The following CAMKMT variants were observed in gnomAD, a reference collection of about 807,000 sequenced individuals.
The protein encoded by CAMKMT is calmodulin-lysine N-methyltransferase, also known as CaM KMT.
A neutral mutation model predicts 48.0 loss-of-function variants in CAMKMT; 53 were observed. That is an observed-to-expected ratio of 1.10 (90% confidence interval 0.89 to 1.39). The LOEUF (loss-of-function observed/expected upper bound fraction) is 1.39, where lower values mean the gene tolerates loss of function less well. Among genes scored for constraint, CAMKMT ranks in the 40% most tolerant of loss-of-function variants. The pLI is 0.00. For missense variants in CAMKMT, 428 were observed against 402.7 expected, an observed-to-expected ratio of 1.06 and a Z score of -0.54; for synonymous variants, 165 against 152.3, an observed-to-expected ratio of 1.08 and a Z score of -0.61.
At chr2:44,732,575 A>G (rs1384230917) in intron 7 of CAMKMT, among the ~76,000 whole-genome samples, 1 of 152,176 alleles carries the variant, frequency 6.6e-6, no homozygotes, top group African/African-American at 2.4e-5. Context: ...TTTTCTGTTC[A>G]GTTTGTTTAA....
intron 6 of CAMKMT, among the ~76,000 whole-genome samples, chr2:44,709,010 A>G (rs1677725159): frequency 6.6e-6 from 1 of 152,200 alleles, no homozygotes; most frequent in Non-Finnish European, 1.5e-5. Context: ...TTGTTCTAAA[A>G]TTATTATTGA....
intron 7 of CAMKMT, among the ~76,000 whole-genome samples, chr2:44,720,456 T>G (rs746409898): frequency 7.9e-5 from 12 of 152,182 alleles, no homozygotes; most frequent in Non-Finnish European, 1.5e-4. Flanking sequence ...CACAGAATTT[T>G]ATATTGCAGA....
chr2:44,743,627 T>C lies in CAMKMT; in HGVS notation c.629T>C (p.Leu210Ser). The change falls in exon 8 of 11, where the codon TTA becomes TCA. Residue 210 changes from leucine (L) to serine (S), a missense_variant. Coordinates refer to ENST00000378494, the MANE Select transcript of CAMKMT (RefSeq NM_024766.5). ...FKTQKISSCV[L>S]RWDNETDVSQ... is the part of the protein sequence containing the mutation. ...AAAATCTTTTTCTCCTCAAGCGTTT[T>C]ACGATGGGATAATGAGACAGATGTC... 6.2e-7 allele frequency: 1 copy of C among 1,611,924 alleles called. No homozygotes were observed. Among genetic ancestry groups the C allele is most frequent in the African/African-American group, 1.3e-5 (1 of 74,988 alleles).
rs190369568 is a variant in CAMKMT at position 44,425,861 on chromosome 2, G to C, written c.376+35556G>C. 4.0e-3 allele frequency among the ~76,000 whole-genome samples: 609 copies of C among 152,084 alleles called. 1 individual carries two copies. Among genetic ancestry groups the C allele is most frequent in the African/African-American group, 0.014 (589 of 41,466 alleles). On this transcript the variant is annotated intron_variant, in intron 3 of 10. Coordinates refer to ENST00000378494, the MANE Select transcript of CAMKMT (RefSeq NM_024766.5). ...TTCTCCTGCCTCAGCCTCCCAAGTA[G>C]CTGGGATTACATGCATGTGCCACCA... is the stretch of plus-strand genomic sequence containing the variant.
intron 7 of CAMKMT, among the ~76,000 whole-genome samples, chr2:44,737,509 A>G (rs1037176295): frequency 5.3e-5 from 8 of 152,158 alleles, no homozygotes; most frequent in African/African-American, 1.7e-4. Flanking sequence ...ATTATTCCCT[A>G]CTATTGAGAC....
rs544929681 is a variant in CAMKMT, at chr2:44,519,705, G to A, written c.376+129400G>A. Among the ~76,000 whole-genome samples, 7 of 152,272 alleles carry A rather than the reference G, an allele frequency of 4.6e-5. 1 individual carries two copies. In the South Asian group the frequency reaches 1.2e-3, roughly 27 times the overall value. ...CACAGGAGATGTACGTTACTAAAAA[G>A]TTTTACTATGTGCCGGGCACTGTGC... On this transcript the variant is annotated intron_variant, in intron 3 of 10. Transcript: ENST00000378494.
intron 10 of CAMKMT, among the ~76,000 whole-genome samples, chr2:44,768,361 A>ATATATATATTTT (rs35058824): frequency 8.6e-6 from 1 of 115,744 alleles, no homozygotes; most frequent in Non-Finnish European, 1.7e-5. Flanking sequence ...ATATATATAT[A>ATATATATATTTT]TTTTTTTTTT....
intron 3 of CAMKMT, among the ~76,000 whole-genome samples, chr2:44,460,003 C>A (rs748038327): frequency 3.9e-5 from 6 of 152,184 alleles, no homozygotes; most frequent in South Asian, 2.1e-4. Flanking sequence ...GCTCTGGAAG[C>A]TGAGTCAAAC....
intron 6 of CAMKMT, among the ~76,000 whole-genome samples, chr2:44,713,942 G>T (rs1000885467): frequency 6.6e-6 from 1 of 152,074 alleles, no homozygotes; most frequent in African/African-American, 2.4e-5. Flanking sequence ...CTCCCCATGG[G>T]CCCAATTTAG....
chr2:44,627,323 G>T (rs879726606), intron 3 of CAMKMT, among the ~76,000 whole-genome samples: 3 of 152,062 alleles, frequency 2.0e-5, no homozygotes, highest in Non-Finnish European at 4.4e-5. Flanking sequence ...GTTCATACTA[G>T]TTACAGTCTT....
At chr2:44,443,147 A>G (rs1666775209) in intron 3 of CAMKMT, among the ~76,000 whole-genome samples, 1 of 152,212 alleles carries the variant, frequency 6.6e-6, no homozygotes, top group African/African-American at 2.4e-5. Context: ...CAAAATCTAA[A>G]GTGTGAAAAA....
intron 3 of CAMKMT, among the ~76,000 whole-genome samples, chr2:44,590,470 C>T (rs912890362): frequency 6.6e-6 from 1 of 152,144 alleles, no homozygotes; most frequent in Admixed American, 6.5e-5. Context: ...GAGATGGTAT[C>T]TCATTGTGGT....
intron 3 of CAMKMT, among the ~76,000 whole-genome samples, chr2:44,572,848 A>ATT (rs1668992206): frequency 6.6e-6 from 1 of 152,192 alleles, no homozygotes; most frequent in South Asian, 2.1e-4. Flanking sequence ...CATTATTTTT[A>ATT]GGAACCACCA....
intron 3 of CAMKMT, among the ~76,000 whole-genome samples, chr2:44,683,895 A>T (rs896848445): frequency 6.6e-6 from 1 of 151,894 alleles, no homozygotes; most frequent in African/African-American, 2.4e-5. Context: ...TACTCTCCTG[A>T]TAAGTAAACA....
chr2:44,524,269 G>A (rs1671286367), intron 3 of CAMKMT, among the ~76,000 whole-genome samples: 1 of 151,992 alleles, frequency 6.6e-6, no homozygotes, highest in Non-Finnish European at 1.5e-5. Flanking sequence ...CCACAGGGGT[G>A]GTAAAATTCA....
chr2:44,529,716 C>G (rs1172849186), intron 3 of CAMKMT, among the ~76,000 whole-genome samples: 1 of 152,116 alleles, frequency 6.6e-6, no homozygotes, highest in Non-Finnish European at 1.5e-5. Context: ...TCAGATTTAC[C>G]TGCATTTTCA....
chr2:44,744,626 T>G (rs1679844394), intron 8 of CAMKMT, among the ~76,000 whole-genome samples: 1 of 152,166 alleles, frequency 6.6e-6, no homozygotes, highest in South Asian at 2.1e-4. Context: ...TTCTGTTATA[T>G]TGATAAGGCC....
At chr2:44,511,720 C>A (rs1670567424) in intron 3 of CAMKMT, among the ~76,000 whole-genome samples, 1 of 152,136 alleles carries the variant, frequency 6.6e-6, no homozygotes, top group Admixed American at 6.5e-5. Flanking sequence ...CTCCTAAAAC[C>A]ATCTGGGGCT....
At chr2:44,585,440 G>A (rs934972329) in intron 3 of CAMKMT, among the ~76,000 whole-genome samples, 6 of 152,200 alleles carry the variant, frequency 3.9e-5, no homozygotes, top group Non-Finnish European at 8.8e-5. Flanking sequence ...ATTCCTGTAG[G>A]AAGTGGCCTG....
Sources: allele counts gnomAD v4.1 joint callset (sites outside exome capture counted in the v4.1 genomes callset), GRCh38; gene constraint gnomAD v4.1.1; transcripts MANE v1.5; gene names NCBI Gene and HGNC (gene_info 2026-07-23, HGNC 2026-07-21).